ITGA8: variants seen among roughly 807,000 people sequenced by gnomAD.
ITGA8 encodes integrin subunit alpha 8.
A neutral mutation model predicts 142.3 loss-of-function variants in ITGA8; 91 were observed. The observed-to-expected ratio is 0.64, with a 90% CI of 0.54 to 0.76. The LOEUF (loss-of-function observed/expected upper bound fraction) is 0.76. Among genes scored for constraint, ITGA8 ranks in the 30% least tolerant of loss-of-function variants. The probability of loss-of-function intolerance (pLI) is 0.00; values close to 1 mark genes in which losing one functional copy is unlikely to be tolerated. For missense variants in ITGA8, 1,406 were observed against 1,327.7 expected, an observed-to-expected ratio of 1.06 and a Z score of -0.92; for synonymous variants, 505 against 485.2, an observed-to-expected ratio of 1.04 and a Z score of -0.54.
chr10:15,523,125 G>T (rs865911123), intron 28 of ITGA8, among the ~76,000 whole-genome samples: 1 of 152,204 alleles, frequency 6.6e-6, no homozygotes, highest in Non-Finnish European at 1.5e-5. Context: ...TAAAGGAGTT[G>T]AAATAGAGGC....
rs550345889 is a variant in ITGA8, at chr10:15,674,684, A to T, written c.677-1935T>A. 3.9e-5 allele frequency among the ~76,000 whole-genome samples: 6 copies of T among 152,226 alleles called. No homozygotes were observed. In the East Asian group the frequency reaches 1.2e-3, roughly 29 times the overall value. On this transcript the variant is annotated intron_variant, in intron 6 of 29. Transcript: ENST00000378076. ...TGGTGGCTCATGCCTGTAATCCCAGAACTCTGGGAGGCTGAGGCGGGCGGA... is the reference window on the plus strand; with the variant it reads ...TGGTGGCTCATGCCTGTAATCCCAGTACTCTGGGAGGCTGAGGCGGGCGGA...
At chr10:15,536,829 G>A (rs7910419) in intron 27 of ITGA8, among the ~76,000 whole-genome samples, 30,027 of 152,030 alleles carry the variant, frequency 0.2, 3,978 homozygotes, top group African/African-American at 0.38. Flanking sequence ...AAAGTGAGTT[G>A]GTAACAAACG....
Position 15,597,247 on chromosome 10 carries a change from A to G in ITGA8, c.2171T>C (p.Val724Ala). The change falls in exon 21 of 30, where the codon GTG becomes GCG. Residue 724 changes from valine to alanine, a missense_variant. Transcript: ENST00000378076. ...CATAGGGTTCCCAAGGTCACACACCACCATCCTGGTTACATTTTCCATCTT... is the reference window on the plus strand; with the variant it reads ...CATAGGGTTCCCAAGGTCACACACCGCCATCCTGGTTACATTTTCCATCTT... ...EYKMENVTRM[V>A]VCDLGNPMVS... 6.2e-7 allele frequency: 1 copy of G among 1,614,088 alleles called. No homozygotes were observed. The highest frequency in any genetic ancestry group is 2.2e-5 in the East Asian group (1 of 44,870).
chr10:15,659,107 C>G, intron 9 of ITGA8, 52 bp from the exon 10 acceptor site: 1 of 1,284,388 alleles, frequency 7.8e-7, no homozygotes, highest in South Asian at 1.4e-5. Context: ...GAATTGGAGC[C>G]TTTTTTAAAA....
rs115654409 is a variant in ITGA8 at position 15,544,651 on chromosome 10, G to T, written c.2880+3804C>A. Among the ~76,000 whole-genome samples the T allele has an allele frequency of 4.5e-3, 678 of 152,272 alleles. 5 individuals are homozygous for T. The highest frequency in any genetic ancestry group is 0.015 in the African/African-American group (644 of 41,554). ...GTAGGAAATTCAAGAGTTGGCTAACGATCTGTGGTAGCAACCCTCCAAGAT... is the reference window on the plus strand; with the variant it reads ...GTAGGAAATTCAAGAGTTGGCTAACTATCTGTGGTAGCAACCCTCCAAGAT... On this transcript the variant is annotated intron_variant, in intron 27 of 29. Coordinates refer to ENST00000378076, the MANE Select transcript of ITGA8 (RefSeq NM_003638.3).
chr10:15,603,340 A>G (rs1833136164), intron 20 of ITGA8, among the ~76,000 whole-genome samples: 1 of 152,182 alleles, frequency 6.6e-6, no homozygotes, highest in Non-Finnish European at 1.5e-5. Context: ...GGGGTGTGGT[A>G]TTTGGAAACT....
intron 13 of ITGA8, among the ~76,000 whole-genome samples, chr10:15,624,630 T>G (rs960134183): frequency 1.3e-5 from 2 of 152,158 alleles, no homozygotes; most frequent in Non-Finnish European, 2.9e-5. Flanking sequence ...GCAATACAAC[T>G]GCCCACAGCT....
At chr10:15,711,657 C>T (rs144686446) in intron 2 of ITGA8, among the ~76,000 whole-genome samples, 2 of 151,980 alleles carry the variant, frequency 1.3e-5, no homozygotes, top group South Asian at 2.1e-4. Flanking sequence ...AACCTCCCCC[C>T]CAAAAGATTC....
At chr10:15,620,407 A>G (rs1453336050) in intron 13 of ITGA8, among the ~76,000 whole-genome samples, 1 of 152,154 alleles carries the variant, frequency 6.6e-6, no homozygotes, top group African/African-American at 2.4e-5. Context: ...AATTTGAGGG[A>G]CACCCTCCCA....
chr10:15,680,671 T>C (rs1834720949), intron 4 of ITGA8, among the ~76,000 whole-genome samples: 1 of 152,180 alleles, frequency 6.6e-6, no homozygotes, highest in Non-Finnish European at 1.5e-5. Flanking sequence ...CCTGACTTTT[T>C]ATTTTTATGA....
In ITGA8 at chr10:15,718,751, A is replaced by G; in HGVS notation, c.343+15T>C. ...AAACCCAGGCCCACAGCTTAGAAGG[A>G]CAAATCTCACTTACTGGTGGTGTCA... On this transcript the variant is annotated intron_variant, in intron 2 of 29. Coordinates refer to ENST00000378076, the MANE Select transcript of ITGA8 (RefSeq NM_003638.3). The G allele has an allele frequency of 6.2e-7, 1 of 1,613,348 alleles. No individual in the cohort carries two copies. The highest frequency in any genetic ancestry group is 8.5e-7 in the Non-Finnish European group (1 of 1,179,452).
chr10:15,696,418 G>A (rs1835053536), intron 2 of ITGA8, among the ~76,000 whole-genome samples: 1 of 152,078 alleles, frequency 6.6e-6, no homozygotes, highest in African/African-American at 2.4e-5. Context: ...CCAAATCAAT[G>A]AGAAAAAGAC....
chr10:15,552,825 A>G (rs1281719087), intron 26 of ITGA8, among the ~76,000 whole-genome samples: 2 of 152,188 alleles, frequency 1.3e-5, no homozygotes, highest in African/African-American at 4.8e-5. Context: ...TGAGAATGAT[A>G]TCAATTGTTT....
chr10:15,715,480 G>C (rs898544466), intron 2 of ITGA8, among the ~76,000 whole-genome samples: 7 of 152,162 alleles, frequency 4.6e-5, no homozygotes, highest in African/African-American at 1.7e-4. Flanking sequence ...AGCAGGCTGC[G>C]AACTGGGCAG....
chr10:15,568,484 C>T (rs1037438636), intron 25 of ITGA8, among the ~76,000 whole-genome samples: 2 of 152,318 alleles, frequency 1.3e-5, no homozygotes, highest in East Asian at 3.9e-4. Context: ...CAAACTATAA[C>T]CAGTTTCTAC....
chr10:15,686,998 G>A (rs1245232526), intron 3 of ITGA8, among the ~76,000 whole-genome samples: 6 of 152,054 alleles, frequency 3.9e-5, no homozygotes, highest in Non-Finnish European at 1.5e-5. Context: ...ATTCCCATAA[G>A]GCATATACCA....
At chr10:15,622,815 C>A (rs1833518461) in intron 13 of ITGA8, among the ~76,000 whole-genome samples, 1 of 152,056 alleles carries the variant, frequency 6.6e-6, no homozygotes, top group African/African-American at 2.4e-5. Flanking sequence ...TACAAACAGC[C>A]ATTTCACATA....
intron 24 of ITGA8, 123 bp from the exon 25 acceptor site, chr10:15,572,492 G>T: frequency 1.2e-6 from 1 of 854,472 alleles, no homozygotes; most frequent in Non-Finnish European, 1.8e-6. Context: ...TCTGGACTAT[G>T]ACTATGGAAA....
intron 15 of ITGA8, among the ~76,000 whole-genome samples, chr10:15,609,273 A>G (rs558549202): frequency 1.3e-5 from 2 of 152,332 alleles, no homozygotes; most frequent in South Asian, 4.1e-4. Context: ...CATTTCTAGG[A>G]AAGTGAAAAT....
Sources: allele counts gnomAD v4.1 joint callset (sites outside exome capture counted in the v4.1 genomes callset), GRCh38; gene constraint gnomAD v4.1.1; transcripts MANE v1.5; gene names NCBI Gene and HGNC (gene_info 2026-07-23, HGNC 2026-07-21).